BCL2L13: variants seen among roughly 807,000 people sequenced by gnomAD.
BCL2L13 encodes BCL2 like 13.
Under a neutral mutation model 25.8 loss-of-function variants are expected in BCL2L13, and 13 were observed. The ratio of observed to expected loss-of-function variants is 0.50; its 90% CI spans 0.33 to 0.80. The LOEUF (loss-of-function observed/expected upper bound fraction) is 0.80. Among genes scored for constraint, BCL2L13 ranks in the 30% least tolerant of loss-of-function variants. The probability of loss-of-function intolerance (pLI) is 0.02; values close to 1 mark genes in which losing one functional copy is unlikely to be tolerated. For synonymous variants in BCL2L13, 244 were observed against 230.3 expected (o/e 1.06, Z -0.54); for missense variants, 504 against 574.9 (o/e 0.88, Z 1.26).
In BCL2L13 at chr22:17,688,926, C is replaced by G; in HGVS notation, c.230-60C>G. On this transcript the variant is annotated intron_variant, in intron 3 of 6. Coordinates refer to ENST00000317582, the MANE Select transcript of BCL2L13 (RefSeq NM_015367.4). The stretch of plus-strand genomic sequence containing the variant: ...GGGATTACAGGCATGTGCCACCACA[C>G]CCAGCTAATTTTATAGATATTGTTT... The G allele has an allele frequency of 2.6e-6, 4 of 1,537,334 alleles. No individual in the cohort carries two copies. The East Asian group carries it at 9.3e-5, about 36-fold the overall frequency.
At chr22:17,655,963 C>A (rs2058840821) in intron 2 of BCL2L13, 131 bp downstream of exon 2, 2 of 947,710 alleles carry the variant, frequency 2.1e-6, no homozygotes, top group South Asian at 2.4e-5. Flanking sequence ...CCTGTTAGGG[C>A]TGGGCGCGGT....
chr22:17,695,755 A>G (rs934879101), intron 4 of BCL2L13: 1 of 157,258 alleles, frequency 6.4e-6, no homozygotes, highest in Admixed American at 6.4e-5. Flanking sequence ...TAGATTTTTT[A>G]CCTTTAAAAA....
intron 6 of BCL2L13, among the ~76,000 whole-genome samples, chr22:17,712,672 C>G (rs2060796268): frequency 6.6e-6 from 1 of 152,152 alleles, no homozygotes; most frequent in Non-Finnish European, 1.5e-5. Context: ...GGATTATGTT[C>G]TGGCAAAAAG....
At chr22:17,643,041 G>A (rs980918502) in intron 1 of BCL2L13, among the ~76,000 whole-genome samples, 2 of 152,188 alleles carry the variant, frequency 1.3e-5, no homozygotes, top group African/African-American at 2.4e-5. Flanking sequence ...CCTAATTATT[G>A]TGAAAGTCAG....
At chr22:17,633,786 C>T (rs58248638), upstream of BCL2L13, among the ~76,000 whole-genome samples, 1,936 of 152,196 alleles carry the variant, frequency 0.013, 33 homozygotes, top group African/African-American at 0.045. Context: ...CTCTTTCCAG[C>T]CAAATTTCTA....
intron 1 of BCL2L13, among the ~76,000 whole-genome samples, chr22:17,644,275 CT>C (rs942591314): frequency 6.7e-6 from 1 of 149,344 alleles, no homozygotes; most frequent in African/African-American, 2.5e-5. Flanking sequence ...TTATTTTTCT[CT>C]TTATAAACTG....
In BCL2L13 at chr22:17,711,332, C is replaced by G. The variant is rs1471012436; in HGVS notation, c.600+8946C>G. 4.7e-5 allele frequency among the ~76,000 whole-genome samples: 5 copies of G among 105,494 alleles called. No homozygotes were observed. In the East Asian group the frequency reaches 1.0e-3, roughly 21 times the overall value. 69.2% of individuals were successfully genotyped at this position (105,494 alleles called of 152,430 possible). A position where few individuals can be genotyped will look rare whatever the true frequency, so the allele number is the denominator to read the frequency against. ...TTTTTTTTTGAGACAGGGTTTCACT[C>G]TGTTGGCCAGGCTGGAGCGCAGTGG... On this transcript the variant is annotated intron_variant, in intron 6 of 6. Transcript: ENST00000317582.
chr22:17,678,968 G>A (rs1451453151), intron 2 of BCL2L13, among the ~76,000 whole-genome samples: 1 of 152,132 alleles, frequency 6.6e-6, no homozygotes. Flanking sequence ...CCCACACCCA[G>A]GTAGGGGCTT....
At chr22:17,631,684 A>ATATATATATATT (rs1429557340) in intron 1 of BCL2L13, among the ~76,000 whole-genome samples, 3 of 32,830 alleles carry the variant, frequency 9.1e-5, no homozygotes, top group African/African-American at 2.7e-4. Context: ...ATATATATAT[A>ATATATATATATT]TATATATATA....
chr22:17,694,990 C>G (rs537951208), intron 4 of BCL2L13, among the ~76,000 whole-genome samples: 218 of 152,204 alleles, frequency 1.4e-3, no homozygotes, highest in Non-Finnish European at 2.3e-3. Flanking sequence ...AGTGACTTCA[C>G]GAGAGAAAAG....
Position 17,662,516 on chromosome 22 carries a change from C to G in BCL2L13, c.121+6684C>G, listed in dbSNP as rs969391288. 3.3e-5 allele frequency among the ~76,000 whole-genome samples: 5 copies of G among 151,792 alleles called. No homozygotes were observed. The East Asian group carries it at 9.7e-4, about 29-fold the overall frequency. On this transcript the variant is annotated intron_variant, in intron 2 of 6. Coordinates refer to ENST00000317582, the MANE Select transcript of BCL2L13 (RefSeq NM_015367.4). ...AAAATTTACTGAAACCTGAATTAGTCTTCTTCATTAAAATATAACGTCAGG... is the reference window on the plus strand; with the variant it reads ...AAAATTTACTGAAACCTGAATTAGTGTTCTTCATTAAAATATAACGTCAGG...
chr22:17,685,248 C>T (rs1386498190), intron 3 of BCL2L13, among the ~76,000 whole-genome samples: 1 of 151,882 alleles, frequency 6.6e-6, no homozygotes, highest in Non-Finnish European at 1.5e-5. Context: ...TTTTTTAAGA[C>T]ATCGCCTTGC....
intron 1 of BCL2L13, among the ~76,000 whole-genome samples, chr22:17,645,335 C>T (rs1198374795): frequency 6.7e-6 from 1 of 148,992 alleles, no homozygotes; most frequent in Non-Finnish European, 1.5e-5. Context: ...GATTCTCATG[C>T]CTCAGCCTCC....
intron 6 of BCL2L13, among the ~76,000 whole-genome samples, chr22:17,709,220 A>G (rs1035364639): frequency 1.3e-5 from 2 of 150,866 alleles, no homozygotes; most frequent in Non-Finnish European, 1.5e-5. Context: ...TGGGCGACAG[A>G]GTGAGACTCC....
At chr22:17,653,086 G>A (rs939165993) in intron 1 of BCL2L13, among the ~76,000 whole-genome samples, 9 of 152,002 alleles carry the variant, frequency 5.9e-5, no homozygotes, top group Non-Finnish European at 8.8e-5. Context: ...AAAAAACAGA[G>A]TGGTCGTATG....
upstream of BCL2L13, among the ~76,000 whole-genome samples, chr22:17,634,907 C>T (rs887408422): frequency 2.7e-5 from 4 of 150,562 alleles, no homozygotes; most frequent in African/African-American, 9.8e-5. Context: ...ATGATCACAT[C>T]ACTGTACTCT....
Position 17,679,914 on chromosome 22 carries a change from C to T in BCL2L13, c.122-3300C>T, listed in dbSNP as rs374440812. Among the ~76,000 whole-genome samples, 44 of 151,922 alleles carry T rather than the reference C, an allele frequency of 2.9e-4. 2 individuals carry two copies. The Middle Eastern group carries it at 0.017, about 59-fold the overall frequency. ...GGCCAAGCAAGTTTCCCAGACAAGG[C>T]TATATTAAGACTTATGGGCCAGGCA... On this transcript the variant is annotated intron_variant, in intron 2 of 6. Coordinates refer to ENST00000317582, the MANE Select transcript of BCL2L13 (RefSeq NM_015367.4).
chr22:17,706,965 T>C (rs2060611607), intron 6 of BCL2L13: 1 of 596,474 alleles, frequency 1.7e-6, no homozygotes. Flanking sequence ...ATAAAATTAA[T>C]CTTTGTCATT....
chr22:17,711,486 G>T (rs755492234), intron 6 of BCL2L13, among the ~76,000 whole-genome samples: 3 of 151,720 alleles, frequency 2.0e-5, no homozygotes, highest in Non-Finnish European at 4.4e-5. Context: ...TTTTGTAGAG[G>T]TGCAATTTTG....
Sources: gnomAD v4.1 joint callset for allele counts (sites outside exome capture counted in the v4.1 genomes callset) on GRCh38, gnomAD v4.1.1 for gene constraint, MANE v1.5 for transcripts, NCBI Gene and HGNC (gene_info 2026-07-23, HGNC 2026-07-21) for gene names.